Variants in NLGN1 observed in about 807,000 individuals in gnomAD.
NLGN1 encodes neuroligin-1.
In NLGN1, 12 loss-of-function variants were observed where a neutral mutation model predicts 65.5. The observed-to-expected ratio is 0.18, with a 90% CI of 0.12 to 0.30. NLGN1 has a LOEUF of 0.30. Ranked by LOEUF, NLGN1 falls within the 10% of genes least tolerant of loss-of-function variation. The probability of loss-of-function intolerance (pLI) is 1.00; values close to 1 mark genes in which losing one functional copy is unlikely to be tolerated. For synonymous variants in NLGN1, 350 were observed against 359.5 expected (o/e 0.97, Z 0.30); for missense variants, 750 against 1,007.1 (o/e 0.74, Z 3.46).
At chr3:174,078,066 A>C (rs915545472) in intron 4 of NLGN1, among the ~76,000 whole-genome samples, 4 of 152,176 alleles carry the variant, frequency 2.6e-5, no homozygotes, top group Non-Finnish European at 4.4e-5. Flanking sequence ...AGAAGAAAAA[A>C]ATCTCAATAT....
At chr3:173,627,610 A>T (rs1474352018) in intron 3 of NLGN1, among the ~76,000 whole-genome samples, 4 of 152,028 alleles carry the variant, frequency 2.6e-5, no homozygotes, top group Non-Finnish European at 5.9e-5. Context: ...TTTTTGAGGA[A>T]TCTGCCATAG....
At chr3:173,449,973 G>A (rs1390771104) in intron 2 of NLGN1, among the ~76,000 whole-genome samples, 2 of 152,090 alleles carry the variant, frequency 1.3e-5, no homozygotes, top group Admixed American at 6.6e-5. Flanking sequence ...CATGAGATGG[G>A]TTTCCTGAAT....
At chr3:173,411,947 G>A (rs1355188723) in intron 1 of NLGN1, among the ~76,000 whole-genome samples, 1 of 152,112 alleles carries the variant, frequency 6.6e-6, no homozygotes, top group East Asian at 1.9e-4. Flanking sequence ...TGTATTTTCT[G>A]AAAGAGAATG....
rs972245027 is a variant in NLGN1 at position 174,047,817 on chromosome 3, AG to A, written c.647-227497del. 3.8e-4 allele frequency among the ~76,000 whole-genome samples: 58 copies of A among 151,562 alleles called. 1 individual carries two copies. The highest frequency in any genetic ancestry group is 6.3e-4 in the Non-Finnish European group (43 of 67,844). ...ATATTTGAGATAGTAAAAAAAAAAA[AG>A]ATATAATTTGCAAGATTTTTAAGAC... On this transcript the variant is annotated intron_variant, in intron 4 of 6. Transcript: ENST00000457714.
chr3:173,945,665 A>G (rs1486798984), intron 4 of NLGN1, among the ~76,000 whole-genome samples: 1 of 152,178 alleles, frequency 6.6e-6, no homozygotes, highest in Non-Finnish European at 1.5e-5. Flanking sequence ...CTCTTAACAA[A>G]TATTAACATT....
At chr3:173,995,840 C>G (rs1446287589) in intron 4 of NLGN1, among the ~76,000 whole-genome samples, 1 of 151,728 alleles carries the variant, frequency 6.6e-6, no homozygotes, top group African/African-American at 2.4e-5. Flanking sequence ...GTGCACATAC[C>G]ATACTCGGCT....
chr3:173,603,345 T>C (rs1442027403), intron 2 of NLGN1, among the ~76,000 whole-genome samples: 1 of 152,142 alleles, frequency 6.6e-6, no homozygotes, highest in Non-Finnish European at 1.5e-5. Context: ...TTGAACTGTG[T>C]AAACAGTGAT....
intron 2 of NLGN1, among the ~76,000 whole-genome samples, chr3:173,522,484 G>A (rs1734923227): frequency 6.6e-6 from 1 of 152,192 alleles, no homozygotes; most frequent in Non-Finnish European, 1.5e-5. Context: ...AGGCTGGAGT[G>A]CAATGGCATG....
chr3:173,601,501 G>C (rs1282180522), intron 2 of NLGN1, among the ~76,000 whole-genome samples: 1 of 152,018 alleles, frequency 6.6e-6, no homozygotes, highest in Middle Eastern at 3.4e-3. Context: ...GCTTTAAATA[G>C]TATTTGCTGT....
intron 4 of NLGN1, among the ~76,000 whole-genome samples, chr3:174,055,609 G>T (rs924341871): frequency 6.6e-6 from 1 of 151,994 alleles, no homozygotes. Flanking sequence ...CCTGTGTTCA[G>T]TCCACAGCTC....
rs150115177 is a variant in NLGN1 at position 174,005,231 on chromosome 3, T to C, written c.646+197399T>C. ...ATTTTCCTTGAATTGTATGTCCCATTAATTATGAAGGTAGTTTTATTATAA... is the reference window on the plus strand; with the variant it reads ...ATTTTCCTTGAATTGTATGTCCCATCAATTATGAAGGTAGTTTTATTATAA... On this transcript the variant is annotated intron_variant, in intron 4 of 6. Transcript: ENST00000457714. 6.6e-5 allele frequency among the ~76,000 whole-genome samples: 10 copies of C among 152,310 alleles called. No homozygotes were observed. The East Asian group carries it at 1.9e-3, about 29-fold the overall frequency.
intron 4 of NLGN1, among the ~76,000 whole-genome samples, chr3:174,131,497 G>C (rs953512612): frequency 6.6e-6 from 1 of 151,962 alleles, no homozygotes; most frequent in African/African-American, 2.4e-5. Flanking sequence ...TAAACTCTCT[G>C]AACTTCAGTT....
intron 4 of NLGN1, among the ~76,000 whole-genome samples, chr3:173,878,226 G>GA (rs1210828942): frequency 6.6e-6 from 1 of 151,952 alleles, no homozygotes; most frequent in African/African-American, 2.4e-5. Flanking sequence ...ATTTTTAGTA[G>GA]AAACAGGGTT....
At chr3:174,081,022 G>T (rs1439601605) in intron 4 of NLGN1, among the ~76,000 whole-genome samples, 3 of 151,220 alleles carry the variant, frequency 2.0e-5, no homozygotes. Context: ...AATAGTTCTG[G>T]TAAAAATTAA....
downstream of NLGN1, among the ~76,000 whole-genome samples, chr3:174,288,462 T>G (rs1448018583): frequency 6.6e-6 from 1 of 151,520 alleles, no homozygotes; most frequent in Middle Eastern, 3.2e-3. Flanking sequence ...TTTTGGACTA[T>G]TTGGGATGTC....
chr3:174,140,601 A>G (rs1443684201), intron 4 of NLGN1, among the ~76,000 whole-genome samples: 1 of 152,150 alleles, frequency 6.6e-6, no homozygotes, highest in African/African-American at 2.4e-5. Flanking sequence ...TAGTGTCCAA[A>G]TCCAAGCAAT....
At chr3:173,723,629 G>A (rs568341905) in intron 3 of NLGN1, among the ~76,000 whole-genome samples, 42 of 152,100 alleles carry the variant, frequency 2.8e-4, no homozygotes, top group African/African-American at 7.2e-4. Context: ...CCTGGTTCAC[G>A]GTGAATATAA....
At chr3:173,573,456 G>C (rs1041393650) in intron 2 of NLGN1, among the ~76,000 whole-genome samples, 1 of 150,282 alleles carries the variant, frequency 6.7e-6, no homozygotes, top group Non-Finnish European at 1.5e-5. Flanking sequence ...TGGCTAAATG[G>C]GGATACATGT....
chr3:173,990,018 A>C (rs1199676421), intron 4 of NLGN1, among the ~76,000 whole-genome samples: 3 of 152,244 alleles, frequency 2.0e-5, no homozygotes, highest in Non-Finnish European at 2.9e-5. Context: ...ATCATGATCC[A>C]TCCTCAGCAG....
Sources: gnomAD v4.1 joint callset for allele counts (sites outside exome capture counted in the v4.1 genomes callset) on GRCh38, gnomAD v4.1.1 for gene constraint, MANE v1.5 for transcripts, NCBI Gene and HGNC (gene_info 2026-07-23, HGNC 2026-07-21) for gene names.